The following VEPH1 variants were observed in gnomAD, a reference collection of about 807,000 sequenced individuals.
VEPH1 encodes the protein ventricular zone-expressed PH domain-containing protein homolog 1.
Under a neutral mutation model 85.2 loss-of-function variants are expected in VEPH1, and 80 were observed. The ratio of observed to expected loss-of-function variants is 0.94; its 90% CI spans 0.78 to 1.13. The LOEUF (loss-of-function observed/expected upper bound fraction) is 1.13. Ranked by LOEUF, VEPH1 falls within the 50% of genes most tolerant of loss-of-function variation. VEPH1 has a pLI of 0.00. For synonymous variants in VEPH1, 297 were observed against 348.0 expected (o/e 0.85, Z 1.63); for missense variants, 955 against 980.5 (o/e 0.97, Z 0.35).
chr3:157,427,073 C>G (rs1041813266), intron 5 of VEPH1, among the ~76,000 whole-genome samples: 1 of 151,882 alleles, frequency 6.6e-6, no homozygotes, highest in South Asian at 2.1e-4. Context: ...CTGCAACCTT[C>G]GTCTCCCAAG....
chr3:157,400,061 G>A (rs1024279424), intron 6 of VEPH1, among the ~76,000 whole-genome samples: 11 of 151,992 alleles, frequency 7.2e-5, no homozygotes, highest in Middle Eastern at 3.2e-3. Flanking sequence ...TATTTTAAAT[G>A]ATCATTTTGT....
chr3:157,450,048 C>CTTT (rs761761440), intron 4 of VEPH1, among the ~76,000 whole-genome samples: 778 of 77,244 alleles, frequency 0.01, 7 homozygotes, highest in East Asian at 0.016. Flanking sequence ...AGAATATTTA[C>CTTT]TTTTTTTTTT....
intron 4 of VEPH1, chr3:157,438,037 G>GCACACACACACACA (rs781700719): frequency 4.1e-5 from 21 of 516,026 alleles, no homozygotes; most frequent in Admixed American, 4.3e-5. Flanking sequence ...GCGCGCGCGC[G>GCACACACACACACA]CACACACACA....
At chr3:157,279,138 T>C (rs1715759151) in intron 12 of VEPH1, among the ~76,000 whole-genome samples, 1 of 152,164 alleles carries the variant, frequency 6.6e-6, no homozygotes, top group African/African-American at 2.4e-5. Flanking sequence ...TATATAGATC[T>C]GGAAGTTGTT....
chr3:157,478,079 T>C (rs1210096961), intron 2 of VEPH1, among the ~76,000 whole-genome samples: 2 of 152,324 alleles, frequency 1.3e-5, no homozygotes, highest in East Asian at 1.9e-4. Context: ...TGTTGGTTTG[T>C]AGCCAAGTCT....
intron 9 of VEPH1, among the ~76,000 whole-genome samples, chr3:157,338,507 T>C (rs916143911): frequency 3.3e-5 from 5 of 152,224 alleles, no homozygotes; most frequent in Non-Finnish European, 7.3e-5. Flanking sequence ...AGGTGAAGCA[T>C]CTTGGAAATC....
chr3:157,296,439 T>A (rs2108433122), intron 11 of VEPH1, among the ~76,000 whole-genome samples: 1 of 152,346 alleles, frequency 6.6e-6, no homozygotes, highest in East Asian at 1.9e-4. Flanking sequence ...GCTTCCTTGG[T>A]ACCCCTCAAA....
At chr3:157,467,216 G>T (rs916889392) in intron 3 of VEPH1, among the ~76,000 whole-genome samples, 1 of 151,746 alleles carries the variant, frequency 6.6e-6, no homozygotes, top group Non-Finnish European at 1.5e-5. Flanking sequence ...ATGGCCAAGG[G>T]TGCAGGAAGA....
At chr3:157,261,407 G>A (rs756317520) in intron 13 of VEPH1, 37 bp from the exon 14 acceptor site, 6 of 1,605,524 alleles carry the variant, frequency 3.7e-6, no homozygotes, top group South Asian at 1.1e-5. Flanking sequence ...TGGGCTGGCT[G>A]TTACTGTAGG....
At chr3:157,424,004 C>A (rs752392903) in intron 5 of VEPH1, among the ~76,000 whole-genome samples, 7 of 152,064 alleles carry the variant, frequency 4.6e-5, no homozygotes, top group Non-Finnish European at 7.4e-5. Flanking sequence ...ATTCACTGTG[C>A]ACACATGTTG....
intron 12 of VEPH1, among the ~76,000 whole-genome samples, chr3:157,279,503 T>G (rs1697658293): frequency 6.6e-6 from 1 of 151,626 alleles, no homozygotes; most frequent in Non-Finnish European, 1.5e-5. Context: ...AAAGGGGAAG[T>G]GAGAGATAAG....
intron 11 of VEPH1, among the ~76,000 whole-genome samples, chr3:157,311,030 A>G (rs1720050379): frequency 2.6e-5 from 4 of 152,194 alleles, no homozygotes; most frequent in Admixed American, 2.6e-4. Context: ...ACATCCAGAA[A>G]ATGATAGAAT....
intron 5 of VEPH1, among the ~76,000 whole-genome samples, chr3:157,425,582 T>G (rs114711729): frequency 0.033 from 4,951 of 152,292 alleles, 262 homozygotes; most frequent in African/African-American, 0.11. Context: ...GCCCCTGGAT[T>G]TGGCCAATTT....
intron 3 of VEPH1, among the ~76,000 whole-genome samples, chr3:157,465,826 ATTACCCCTG>A (rs1442838136): frequency 2.3e-4 from 35 of 152,222 alleles, no homozygotes; most frequent in Admixed American, 2.0e-3. Flanking sequence ...AGATTATTCT[ATTACCCCTG>A]TTACCCTGCA....
intron 9 of VEPH1, among the ~76,000 whole-genome samples, chr3:157,320,269 A>G (rs1721216226): frequency 6.6e-6 from 1 of 152,150 alleles, no homozygotes; most frequent in South Asian, 2.1e-4. Context: ...TAATGGAGGG[A>G]CACATAATAA....
chr3:157,393,964 A>G (rs1177302301), intron 6 of VEPH1, among the ~76,000 whole-genome samples: 1 of 152,204 alleles, frequency 6.6e-6, no homozygotes, highest in Non-Finnish European at 1.5e-5. Context: ...GTGGGTTTAG[A>G]GCCACTTTAG....
At chr3:157,297,563 A>G (rs1452393481) in intron 11 of VEPH1, among the ~76,000 whole-genome samples, 1 of 152,132 alleles carries the variant, frequency 6.6e-6, no homozygotes, top group African/African-American at 2.4e-5. Flanking sequence ...AAATGGGAGC[A>G]TTAAATGGGA....
intron 11 of VEPH1, among the ~76,000 whole-genome samples, chr3:157,303,014 A>C (rs1282876933): frequency 6.6e-6 from 1 of 152,238 alleles, no homozygotes; most frequent in Non-Finnish European, 1.5e-5. Context: ...ATGTAAAATA[A>C]TGTATGTATA....
At chr3:157,386,618 G>C (rs773941725) in intron 6 of VEPH1, among the ~76,000 whole-genome samples, 4 of 152,100 alleles carry the variant, frequency 2.6e-5, no homozygotes, top group Non-Finnish European at 4.4e-5. Context: ...GGTGGGTAGA[G>C]GCCAAACACC....
Sources: gnomAD v4.1 joint callset for allele counts (sites outside exome capture counted in the v4.1 genomes callset) on GRCh38, gnomAD v4.1.1 for gene constraint, MANE v1.5 for transcripts, NCBI Gene and HGNC (gene_info 2026-07-23, HGNC 2026-07-21) for gene names.